TRIP10: variants seen among roughly 807,000 people sequenced by gnomAD.
TRIP10 encodes cdc42-interacting protein 4.
A neutral mutation model predicts 80.9 loss-of-function variants in TRIP10; 54 were observed. That is an observed-to-expected ratio of 0.67 (90% CI 0.54 to 0.84). The LOEUF (loss-of-function observed/expected upper bound fraction) is 0.84. TRIP10 is among the 40% of genes least tolerant of loss of function. The pLI is 0.00. For synonymous variants in TRIP10, 321 were observed against 307.2 expected, an observed-to-expected ratio of 1.04 and a Z score of -0.47; for missense variants, 773 against 815.3, an observed-to-expected ratio of 0.95 and a Z score of 0.63.
chr19:6,744,613 G>A lies in TRIP10; in HGVS notation c.702G>A (p.Leu234=). The A allele has an allele frequency of 1.2e-6, 2 of 1,614,000 alleles. No homozygotes were observed. The highest frequency in any genetic ancestry group is 1.7e-6 in the Non-Finnish European group (2 of 1,179,932). ...GCCTGGGTGCCGGGTATGGGCTCCT[G>A]TCGGAGGCCGAGCTGGAGGTGGTGC... is the stretch of plus-strand genomic sequence containing the variant. ...ATRLGAGYGL[L]SEAELEVVPI... is the part of the protein sequence containing the mutation. Residue 234 remains leucine, a synonymous_variant, in exon 8 of 15, where the codon CTG becomes CTA. Coordinates refer to ENST00000313244, the MANE Select transcript of TRIP10 (RefSeq NM_001288962.2). The surrounding 1 kb of genome is among the most constrained non-coding windows in gnomAD (Gnocchi z 4.9).
intron 11 of TRIP10, among the ~76,000 whole-genome samples, chr19:6,749,442 C>T (rs983634957): frequency 1.3e-5 from 2 of 152,174 alleles, no homozygotes; most frequent in African/African-American, 4.8e-5. Context: ...AAGCCAAGCT[C>T]ACACAGCTAG....
Position 6,744,126 on chromosome 19 carries a change from C to G in TRIP10, c.642+290C>G, listed in dbSNP as rs1969021717. ...CACTGCAGCCTGGAACCCCTGTGCT[C>G]AAGTGACCTTTCTTTCTTTTTGAAA... On this transcript the variant is annotated intron_variant, in intron 7 of 14. Coordinates refer to ENST00000313244, the MANE Select transcript of TRIP10 (RefSeq NM_001288962.2). This position sits in a 1 kb window ranked among gnomAD's most constrained non-coding sequence, Gnocchi z 4.9. Among the ~76,000 whole-genome samples the G allele has an allele frequency of 6.6e-6, 1 of 152,174 alleles. No individual in the cohort carries two copies. Among genetic ancestry groups the G allele is most frequent in the African/African-American group, 2.4e-5 (1 of 41,436 alleles).
chr19:6,749,903 T>C, intron 11 of TRIP10, 31 bp from the exon 12 acceptor site: 1 of 1,598,564 alleles, frequency 6.3e-7, no homozygotes, highest in Non-Finnish European at 8.5e-7. Context: ...GGAAGTATGT[T>C]TTCCTGTCTA....
rs931450079 is a variant in TRIP10 at position 6,740,857 on chromosome 19, C to A, written c.25-153C>A. On this transcript the variant is annotated intron_variant, in intron 1 of 14. Transcript: ENST00000313244. Reference sequence around the variant, plus strand: ...GGGGGTTCCCGCCAGTTTCCTGCCTCCCCCCGCGCCACGCCGGGGCGGCGC... The same window carrying A: ...GGGGGTTCCCGCCAGTTTCCTGCCTACCCCCGCGCCACGCCGGGGCGGCGC... The A allele has an allele frequency of 9.9e-5, 62 of 628,350 alleles. No homozygotes were observed. In the East Asian group the frequency reaches 1.6e-3, roughly 16 times the overall value. The allele number at this position is 628,350 out of a possible 1,614,324, so 38.9% of individuals were successfully genotyped here.
chr19:6,741,359 G>A (rs1968914677), intron 3 of TRIP10, 78 bp downstream of exon 3: 4 of 1,494,760 alleles, frequency 2.7e-6, no homozygotes, highest in Middle Eastern at 2.1e-4. Context: ...TCCCTCAGCT[G>A]GGACACCCCA....
chr19:6,747,941 C>G (rs1969186110), intron 11 of TRIP10, among the ~76,000 whole-genome samples: 1 of 150,714 alleles, frequency 6.6e-6, no homozygotes, highest in Admixed American at 6.6e-5. Flanking sequence ...AACCCCATCT[C>G]TTAGAAGAAG....
rs1308303946 is a variant in TRIP10, at chr19:6,745,530, G to A, written c.985-499G>A. ...TGCCCCTAACCCCTCTCATTTTCCT[G>A]CCTTCCACTCCCTCTCGGCTTGTGG... On this transcript the variant is annotated intron_variant, in intron 9 of 14. Transcript: ENST00000313244. The surrounding 1 kb of genome is among the most constrained non-coding windows in gnomAD (Gnocchi z 7.2). 13 of 982,026 alleles carry A rather than the reference G, an allele frequency of 1.3e-5. No individual in the cohort carries two copies. Among genetic ancestry groups the A allele is most frequent in the Non-Finnish European group, 1.3e-5 (11 of 827,216 alleles). 60.8% of individuals were successfully genotyped at this position (982,026 alleles called of 1,614,324 possible).
At position 6,743,626 on chromosome 19, in the gene TRIP10, T is replaced by TGGGGGGGGGGGGGGGGGGGGGG. The variant is rs1969001243; in HGVS notation, c.513+29_513+30insGGGGGGGGGGGGGGGGGGGGGG. On this transcript the variant is annotated intron_variant, in intron 6 of 14. Coordinates refer to ENST00000313244, the MANE Select transcript of TRIP10 (RefSeq NM_001288962.2). Reference sequence around the variant, plus strand: ...GTGTGTGGCGGGGGCGGGGGGGGGGTGCGGGGTCTGGGACAAGCTTGGGGA... The same window carrying TGGGGGGGGGGGGGGGGGGGGGG: ...GTGTGTGGCGGGGGCGGGGGGGGGGTGGGGGGGGGGGGGGGGGGGGGGGCGGGGTCTGGGACAAGCTTGGGGA... The TGGGGGGGGGGGGGGGGGGGGGG allele has an allele frequency of 1.6e-5, 14 of 850,700 alleles. No homozygotes were observed. In the East Asian group the frequency reaches 1.7e-4, roughly 10 times the overall value. 52.7% of individuals were successfully genotyped at this position (850,700 alleles called of 1,614,324 possible).
In TRIP10 at chr19:6,746,624, TTA is replaced by T. The variant is rs2145547286; in HGVS notation, c.1262+65_1262+66del. On this transcript the variant is annotated intron_variant, in intron 11 of 14. Coordinates refer to ENST00000313244, the MANE Select transcript of TRIP10 (RefSeq NM_001288962.2). This position sits in a 1 kb window ranked among gnomAD's most constrained non-coding sequence, Gnocchi z 6.2. Reference sequence around the variant, plus strand: ...TGATAAAATAGTAAATGAACTTCACTTATTTGTTTATTATTTTATTTTATTTA... The same window carrying T: ...TGATAAAATAGTAAATGAACTTCACTTTTGTTTATTATTTTATTTTATTTA... The T allele has an allele frequency of 8.8e-7, 1 of 1,135,120 alleles. No homozygotes were observed. The highest frequency in any genetic ancestry group is 2.6e-5 in the East Asian group (1 of 38,994). The allele number at this position is 1,135,120 out of a possible 1,614,324, so 70.3% of individuals were successfully genotyped here.
At chr19:6,741,958 C>T (rs911830839) in intron 3 of TRIP10, among the ~76,000 whole-genome samples, 1 of 151,974 alleles carries the variant, frequency 6.6e-6, no homozygotes, top group Non-Finnish European at 1.5e-5. Flanking sequence ...GCTGGGATTA[C>T]AGTCACCTGC....
At position 6,741,030 on chromosome 19, in the gene TRIP10, G is replaced by C; in HGVS notation, c.45G>C (p.Glu15Asp). The C allele has an allele frequency of 6.2e-7, 1 of 1,613,852 alleles. No homozygotes were observed. The highest frequency in any genetic ancestry group is 8.5e-7 in the Non-Finnish European group (1 of 1,179,852). Reference protein sequence around the residue: ...TELWDQFEVLERHTQWGLDLL... With the variant: ...TELWDQFEVLDRHTQWGLDLL... ...GTCAGGATCAGTTCGAGGTGCTCGA[G>C]CGCCACACGCAGTGGGGGCTGGACC... The change falls in exon 2 of 15, where the codon GAG (glutamate) becomes GAC (aspartate). Residue 15 changes from glutamate (E) to aspartate (D), a missense_variant. Transcript: ENST00000313244.
chr19:6,739,690 G>A lies in TRIP10; in HGVS notation c.-72G>A, dbSNP rs951343038. Reference sequence around the variant, plus strand: ...GCACCGCCCTCGGCTGAGTCTCCCCGGGGAGGGCGGCGGGCGGCGGGCGGC... The same window carrying A: ...GCACCGCCCTCGGCTGAGTCTCCCCAGGGAGGGCGGCGGGCGGCGGGCGGC... On this transcript the variant is annotated 5_prime_UTR_variant, in exon 1 of 15. Coordinates refer to ENST00000313244, the MANE Select transcript of TRIP10 (RefSeq NM_001288962.2). 3.1e-4 allele frequency: 390 copies of A among 1,248,614 alleles called. 1 individual carries two copies. The African/African-American group carries it at 5.7e-3, about 18-fold the overall frequency. 77.3% of individuals were successfully genotyped at this position (1,248,614 alleles called of 1,614,324 possible). A position where few individuals can be genotyped will look rare whatever the true frequency, so the allele number is the denominator to read the frequency against.
intron 3 of TRIP10, among the ~76,000 whole-genome samples, chr19:6,741,762 G>GTTGTT (rs1362616820): frequency 7.2e-5 from 11 of 152,126 alleles, no homozygotes; most frequent in Non-Finnish European, 1.6e-4. Context: ...TGGAAATCAA[G>GTTGTT]TTGTTTTGGT....
At chr19:6,750,479 C>T (rs768686110) in intron 13 of TRIP10, 33 bp from the exon 14 acceptor site, 7 of 1,613,812 alleles carry the variant, frequency 4.3e-6, no homozygotes, top group Non-Finnish European at 5.9e-6. Flanking sequence ...CCCAGGAGGG[C>T]CTGTCTTTAT....
In TRIP10 at chr19:6,750,373, C is replaced by A. The variant is rs374758864; in HGVS notation, c.1477C>A (p.Pro493Thr). Residue 493 changes from proline to threonine, a missense_variant, in exon 13 of 15, where the codon CCC becomes ACC. Pro to Thr is a conservative substitution (Grantham distance 38, BLOSUM62 -1). Transcript: ENST00000313244. Reference sequence around the variant, plus strand: ...CCGGCACGCCCGGCCTCCCGACCCCCCCGCTAGCGCCCCGCCAGACAGCAG... The same window carrying A: ...CCGGCACGCCCGGCCTCCCGACCCCACCGCTAGCGCCCCGCCAGACAGCAG... ...LSRHARPPDPPASAPPDSSSN... is the reference protein window; with the variant it reads ...LSRHARPPDPTASAPPDSSSN... 2.0e-5 allele frequency: 32 copies of A among 1,613,918 alleles called. No individual in the cohort carries two copies. Among genetic ancestry groups the A allele is most frequent in the South Asian group, 1.9e-4 (17 of 91,074 alleles).
At position 6,746,036 on chromosome 19, in the gene TRIP10, C is replaced by A; in HGVS notation, c.992C>A (p.Pro331His). 8.4e-7 allele frequency: 1 copy of A among 1,189,982 alleles called. No homozygotes were observed. Among genetic ancestry groups the A allele is most frequent in the Non-Finnish European group, 1.1e-6 (1 of 893,130 alleles). The allele number at this position is 1,189,982 out of a possible 1,614,324, so 73.7% of individuals were successfully genotyped here. A position where few individuals can be genotyped will look rare whatever the true frequency, so the allele number is the denominator to read the frequency against. Residue 331 changes from proline to histidine, a missense_variant, in exon 10 of 15, where the codon CCC becomes CAC. Coordinates refer to ENST00000313244, the MANE Select transcript of TRIP10 (RefSeq NM_001288962.2). The surrounding 1 kb of genome is among the most constrained non-coding windows in gnomAD (Gnocchi z 6.2). The part of the protein sequence containing the change: ...WPFGKKNKPR[P>H]PPLSPLGGPV... Reference sequence around the variant, plus strand: ...CCCGGCCCCCGCCGGTAGCCTCGCCCCCCACCCCTCTCCCCCCTGGGGGGC... The same window carrying A: ...CCCGGCCCCCGCCGGTAGCCTCGCCACCCACCCCTCTCCCCCCTGGGGGGC...
At position 6,746,231 on chromosome 19, in the gene TRIP10, C is replaced by T; in HGVS notation, c.1152+35C>T. 5 of 1,497,368 alleles carry T rather than the reference C, an allele frequency of 3.3e-6. No homozygotes were observed. Among genetic ancestry groups the T allele is most frequent in the Non-Finnish European group, 4.5e-6 (5 of 1,117,520 alleles). The allele number at this position is 1,497,368 out of a possible 1,614,324, so 92.8% of individuals were successfully genotyped here. ...GCCTCGGGGCAGGAGGAGGTGGTGG[C>T]CCTAGCCTGCCCAGCGGCGGGTGGC... On this transcript the variant is annotated intron_variant, in intron 10 of 14. Transcript: ENST00000313244. This position sits in a 1 kb window ranked among gnomAD's most constrained non-coding sequence, Gnocchi z 6.2.
Position 6,744,925 on chromosome 19 carries a change from T to C in TRIP10, c.915T>C (p.Asp305=), listed in dbSNP as rs750377551. 4.3e-6 allele frequency: 7 copies of C among 1,614,156 alleles called. No individual in the cohort carries two copies. The highest frequency in any genetic ancestry group is 5.9e-6 in the Non-Finnish European group (7 of 1,180,032). The part of the protein sequence containing the change: ...PSDSSLGTPS[D]GRPELRGPGR... ...ACAGCAGTCTGGGCACCCCCTCGGATGGACGGCCTGAACTCCGAGGCCCGG... is the reference window on the plus strand; with the variant it reads ...ACAGCAGTCTGGGCACCCCCTCGGACGGACGGCCTGAACTCCGAGGCCCGG... Residue 305 remains aspartate, a synonymous_variant, in exon 9 of 15, where the codon GAT becomes GAC. Transcript: ENST00000313244. This position sits in a 1 kb window ranked among gnomAD's most constrained non-coding sequence, Gnocchi z 4.9.
chr19:6,751,140 A>AC lies in TRIP10; in HGVS notation c.1738dup (p.Arg580ProfsTer52). ...GGAAGAAGACAAAGGGGACGGCTGGACCCGGGTCAGGCGGAAAGAGGGAGG... is the reference window on the plus strand; with the variant it reads ...GGAAGAAGACAAAGGGGACGGCTGGACCCCGGGTCAGGCGGAAAGAGGGAGG... On this transcript the variant is annotated frameshift_variant, in exon 15 of 15. Transcript: ENST00000313244. LOFTEE classifies it high-confidence loss of function. 1 of 1,612,706 alleles carries AC rather than the reference A, an allele frequency of 6.2e-7. No individual in the cohort carries two copies. The highest frequency in any genetic ancestry group is 8.5e-7 in the Non-Finnish European group (1 of 1,179,680).
Sources: gnomAD v4.1 joint callset for allele counts (sites outside exome capture counted in the v4.1 genomes callset) on GRCh38, gnomAD v4.1.1 for gene constraint, Gnocchi (gnomAD v3.1) non-coding constraint, MANE v1.5 for transcripts, NCBI Gene and HGNC (gene_info 2026-07-23, HGNC 2026-07-21) for gene names.